The following HDAC8 variants were observed in gnomAD, a reference collection of about 807,000 sequenced individuals.
HDAC8 encodes histone deacetylase-like 1.
HDAC8 carries 1 observed loss-of-function variant against 32.2 expected under a neutral mutation model. The ratio of observed to expected loss-of-function variants is 0.03; its 90% CI spans 0.01 to 0.15. HDAC8 has a LOEUF of 0.15. Among genes scored for constraint, HDAC8 ranks in the 10% least tolerant of loss-of-function variants. HDAC8 has a pLI of 1.00. For synonymous variants in HDAC8, 108 were observed against 113.9 expected (o/e 0.95, Z 0.33); for missense variants, 117 against 300.0 (o/e 0.39, Z 4.51).
At chrX:72,471,675 C>G (rs1438548684) in intron 7 of HDAC8, among the ~76,000 whole-genome samples, 1 of 111,282 alleles carries the variant, frequency 9.0e-6, no homozygotes, top group East Asian at 2.8e-4. Flanking sequence ...CTATTTCAAC[C>G]CTTTGCCCAT....
At chrX:72,415,823 T>C (rs181138010) in intron 9 of HDAC8, among the ~76,000 whole-genome samples, 3 of 111,989 alleles carry the variant, frequency 2.7e-5, no homozygotes, top group African/African-American at 9.7e-5. Context: ...AACTCATTTA[T>C]TAGTTCTAGA....
intron 4 of HDAC8, among the ~76,000 whole-genome samples, chrX:72,562,860 A>G (rs782419977): frequency 1.9e-5 from 2 of 107,824 alleles, no homozygotes; most frequent in South Asian, 4.0e-4. Flanking sequence ...ATGTGCATAC[A>G]TTTTTAAGAC....
chrX:72,411,030 C>CTTTTCTTTTCTTTCTTTCTTTCTTTT (rs113344428), intron 9 of HDAC8, among the ~76,000 whole-genome samples: 11 of 83,552 alleles, frequency 1.3e-4, no homozygotes, highest in African/African-American at 5.6e-4. Context: ...TTCTTTCTTT[C>CTTTTCTTTTCTTTCTTTCTTTCTTTT]TTTTTTTTTT....
chrX:72,406,146 T>G (rs1449847427), intron 9 of HDAC8, among the ~76,000 whole-genome samples: 2 of 112,013 alleles, frequency 1.8e-5, no homozygotes, highest in African/African-American at 6.5e-5. Context: ...TTCCATGAGG[T>G]CTGGGAGGGG....
At chrX:72,369,229 C>T (rs184113939) in intron 9 of HDAC8, among the ~76,000 whole-genome samples, 41 of 110,146 alleles carry the variant, frequency 3.7e-4, no homozygotes, top group East Asian at 8.7e-4. Flanking sequence ...GAATGCCTAA[C>T]GCATGGAGCC....
At chrX:72,500,398 A>G (rs1031171308) in intron 4 of HDAC8, among the ~76,000 whole-genome samples, 1 of 111,888 alleles carries the variant, frequency 8.9e-6, no homozygotes. Flanking sequence ...TTGCAAACCG[A>G]ATCCAGCAAC....
intron 9 of HDAC8, among the ~76,000 whole-genome samples, chrX:72,411,521 C>T (rs2046197747): frequency 8.9e-6 from 1 of 111,954 alleles, no homozygotes; most frequent in Non-Finnish European, 1.9e-5. Flanking sequence ...TTTAGTGTTA[C>T]TCTCCAATTA....
At chrX:72,521,781 C>T (rs782068512) in intron 4 of HDAC8, among the ~76,000 whole-genome samples, 21 of 111,239 alleles carry the variant, frequency 1.9e-4, no homozygotes, top group Non-Finnish European at 3.6e-4. Flanking sequence ...GTTCTTTTTA[C>T]ACCACTGTAA....
intron 9 of HDAC8, among the ~76,000 whole-genome samples, chrX:72,405,279 C>T (rs782069392): frequency 8.9e-6 from 1 of 112,226 alleles, no homozygotes; most frequent in African/African-American, 3.2e-5. Context: ...TGGCTTCCAG[C>T]TCCATCCATG....
At chrX:72,448,869 A>G (rs1299659591) in intron 9 of HDAC8, among the ~76,000 whole-genome samples, 1 of 112,574 alleles carries the variant, frequency 8.9e-6, no homozygotes, top group Admixed American at 9.4e-5. Context: ...AATCAAAACC[A>G]CAATGAGGTA....
intron 4 of HDAC8, among the ~76,000 whole-genome samples, chrX:72,500,775 G>A (rs782237078): frequency 6.4e-4 from 72 of 111,905 alleles, no homozygotes; most frequent in South Asian, 1.5e-3. Context: ...CCCGGTCAGA[G>A]CAATCAGGTA....
rs112711991 is a variant in HDAC8, at chrX:72,479,304, G to A, written c.737+9629C>T. ...GGATTAGGGCAGAGGTTAGTGGGGT[G>A]CATGGTGGAGAGCAGCTGAGAGGAA... On this transcript the variant is annotated intron_variant, in intron 7 of 10. Transcript: ENST00000373573. 7.6e-3 allele frequency among the ~76,000 whole-genome samples: 855 copies of A among 111,869 alleles called. 8 individuals carry two copies. Among genetic ancestry groups the A allele is most frequent in the African/African-American group, 0.025 (783 of 30,766 alleles).
At chrX:72,427,607 G>T (rs1436710147) in intron 9 of HDAC8, among the ~76,000 whole-genome samples, 6 of 86,238 alleles carry the variant, frequency 7.0e-5, no homozygotes, top group African/African-American at 1.5e-4. Context: ...TGGGGTGGGG[G>T]GGGGGAGGGA....
chrX:72,539,475 C>T (rs1465221769), intron 4 of HDAC8, among the ~76,000 whole-genome samples: 4 of 108,866 alleles, frequency 3.7e-5, no homozygotes, highest in South Asian at 4.1e-4. Context: ...CTCTTGACCT[C>T]GTGATCCACC....
intron 4 of HDAC8, among the ~76,000 whole-genome samples, chrX:72,534,020 GA>G (rs1226577186): frequency 4.7e-5 from 5 of 106,004 alleles, no homozygotes; most frequent in Non-Finnish European, 9.7e-5. Flanking sequence ...TTGGCAAGAA[GA>G]AAAAAAAAGA....
intron 8 of HDAC8, among the ~76,000 whole-genome samples, chrX:72,464,260 GTT>G (rs2047949461): frequency 8.9e-6 from 1 of 112,041 alleles, no homozygotes; most frequent in Admixed American, 9.5e-5. Context: ...GTCTACCGGG[GTT>G]AACATCCTCT....
chrX:72,338,438 A>C (rs1555943408), intron 10 of HDAC8, among the ~76,000 whole-genome samples: 1 of 109,846 alleles, frequency 9.1e-6, no homozygotes, highest in Non-Finnish European at 1.9e-5. Flanking sequence ...AGGATACATA[A>C]GTTCTGAACG....
intron 10 of HDAC8, among the ~76,000 whole-genome samples, chrX:72,345,463 T>A (rs1307361327): frequency 2.7e-5 from 3 of 110,812 alleles, no homozygotes; most frequent in Non-Finnish European, 5.7e-5. Flanking sequence ...TCCTACCTCA[T>A]AAGGAAATTG....
intron 9 of HDAC8, among the ~76,000 whole-genome samples, chrX:72,452,177 T>G (rs2047588339): frequency 8.9e-6 from 1 of 112,704 alleles, no homozygotes; most frequent in African/African-American, 3.2e-5. Flanking sequence ...AATTCCTGGC[T>G]GGGTGCCGTG....
Sources: allele counts gnomAD v4.1 joint callset (sites outside exome capture counted in the v4.1 genomes callset), GRCh38; gene constraint gnomAD v4.1.1; transcripts MANE v1.5; gene names NCBI Gene and HGNC (gene_info 2026-07-23, HGNC 2026-07-21).